The following SLC24A3 variants were observed in gnomAD, a reference collection of about 807,000 sequenced individuals.
SLC24A3 encodes the protein sodium/potassium/calcium exchanger 3.
A neutral mutation model predicts 75.8 loss-of-function variants in SLC24A3; 28 were observed. That is an observed-to-expected ratio of 0.37 (90% confidence interval 0.27 to 0.51). The LOEUF (loss-of-function observed/expected upper bound fraction) is 0.51, where lower values mean the gene tolerates loss of function less well. Among genes scored for constraint, SLC24A3 ranks in the 20% least tolerant of loss-of-function variants. The probability of loss-of-function intolerance (pLI) is 0.94; values close to 1 mark genes in which losing one functional copy is unlikely to be tolerated. For missense variants in SLC24A3, 663 were observed against 847.8 expected, an observed-to-expected ratio of 0.78 and a Z score of 2.71; for synonymous variants, 372 against 334.1, an observed-to-expected ratio of 1.11 and a Z score of -1.24.
At chr20:19,610,278 T>C (rs890673397) in intron 6 of SLC24A3, among the ~76,000 whole-genome samples, 8 of 152,166 alleles carry the variant, frequency 5.3e-5, no homozygotes, top group African/African-American at 1.9e-4. Context: ...AGGAAAACAT[T>C]GGGATCTCCT....
At chr20:19,656,210 A>G (rs74785343) in intron 7 of SLC24A3, among the ~76,000 whole-genome samples, 2,160 of 152,308 alleles carry the variant, frequency 0.014, 52 homozygotes, top group African/African-American at 0.049. Context: ...TCTTGAGTTT[A>G]CAAACCATCA....
intron 2 of SLC24A3, among the ~76,000 whole-genome samples, chr20:19,316,336 T>TG (rs1367756039): frequency 6.6e-6 from 1 of 151,960 alleles, no homozygotes; most frequent in Non-Finnish European, 1.5e-5. Context: ...GTGAGAAGGG[T>TG]GAAATAAAGG....
intron 3 of SLC24A3, among the ~76,000 whole-genome samples, chr20:19,519,643 A>G (rs2030065059): frequency 1.3e-5 from 2 of 152,244 alleles, no homozygotes; most frequent in South Asian, 2.1e-4. Context: ...AATCTATTAT[A>G]ACATTGAAAC....
At chr20:19,454,651 G>T (rs1003723349) in intron 2 of SLC24A3, among the ~76,000 whole-genome samples, 7 of 152,110 alleles carry the variant, frequency 4.6e-5, no homozygotes, top group Non-Finnish European at 8.8e-5. Context: ...AGACATAAAA[G>T]GTGTAATTAT....
At chr20:19,412,599 G>A (rs867427738) in intron 2 of SLC24A3, among the ~76,000 whole-genome samples, 7 of 150,868 alleles carry the variant, frequency 4.6e-5, no homozygotes, top group Admixed American at 6.6e-5. Context: ...GGAAGAGAAA[G>A]AGAAGGAGGA....
At chr20:19,390,641 C>T (rs577566416) in intron 2 of SLC24A3, among the ~76,000 whole-genome samples, 1 of 152,158 alleles carries the variant, frequency 6.6e-6, no homozygotes, top group South Asian at 2.1e-4. Context: ...TGGGGAGTGA[C>T]CTGTTGCTTG....
chr20:19,404,402 G>A (rs1316499316), intron 2 of SLC24A3, among the ~76,000 whole-genome samples: 3 of 152,176 alleles, frequency 2.0e-5, no homozygotes, highest in Non-Finnish European at 4.4e-5. Flanking sequence ...CTTGTCATGG[G>A]GGTGTAGGTA....
At chr20:19,667,055 C>G (rs986868001) in intron 8 of SLC24A3, among the ~76,000 whole-genome samples, 6 of 152,138 alleles carry the variant, frequency 3.9e-5, no homozygotes, top group Non-Finnish European at 1.5e-5. Flanking sequence ...AAAGTAGAGT[C>G]CACCAGGCTT....
intron 6 of SLC24A3, among the ~76,000 whole-genome samples, chr20:19,632,146 G>C (rs2031941788): frequency 6.6e-6 from 1 of 152,156 alleles, no homozygotes; most frequent in East Asian, 1.9e-4. Flanking sequence ...CCCTCCTTTA[G>C]AACACTAACT....
At chr20:19,651,587 C>T (rs1366484940) in intron 6 of SLC24A3, among the ~76,000 whole-genome samples, 1 of 151,926 alleles carries the variant, frequency 6.6e-6, no homozygotes, top group East Asian at 1.9e-4. Flanking sequence ...CGGCCAGGCG[C>T]CGTGGCTCAC....
intron 3 of SLC24A3, among the ~76,000 whole-genome samples, chr20:19,523,333 A>G (rs527414292): frequency 6.6e-6 from 1 of 152,376 alleles, no homozygotes; most frequent in South Asian, 2.1e-4. Flanking sequence ...ACTCTGGAAG[A>G]GAAAAATGAT....
chr20:19,417,196 T>A (rs1986841466), intron 2 of SLC24A3, among the ~76,000 whole-genome samples: 1 of 152,110 alleles, frequency 6.6e-6, no homozygotes, highest in South Asian at 2.1e-4. Context: ...CATTAAAAAA[T>A]TTAATTTTAT....
At chr20:19,633,387 C>T (rs982164192) in intron 6 of SLC24A3, among the ~76,000 whole-genome samples, 11 of 152,162 alleles carry the variant, frequency 7.2e-5, no homozygotes, top group African/African-American at 2.6e-4. Flanking sequence ...CGGTGGCTCA[C>T]GCCTGTAATC....
rs79753472 is a variant in SLC24A3 at position 19,448,181 on chromosome 20, T to G, written c.272-67307T>G. Among the ~76,000 whole-genome samples the G allele has an allele frequency of 1.3e-4, 20 of 152,348 alleles. No individual in the cohort carries two copies. In the East Asian group the frequency reaches 3.9e-3, roughly 29 times the overall value. On this transcript the variant is annotated intron_variant, in intron 2 of 16. Coordinates refer to ENST00000328041, the MANE Select transcript of SLC24A3 (RefSeq NM_020689.4). The stretch of plus-strand genomic sequence containing the variant: ...CATGCCAGGATGGCTAGACCTGGTC[T>G]CCAAACCCTCAACGGTAGTTCAGAG...
intron 3 of SLC24A3, among the ~76,000 whole-genome samples, chr20:19,549,135 C>T (rs1377241611): frequency 2.0e-5 from 3 of 152,174 alleles, no homozygotes; most frequent in Non-Finnish European, 4.4e-5. Flanking sequence ...TGTCACTTTG[C>T]CTGCTCACAT....
chr20:19,639,526 C>T (rs1025086924), intron 6 of SLC24A3, among the ~76,000 whole-genome samples: 25 of 152,366 alleles, frequency 1.6e-4, no homozygotes, highest in African/African-American at 5.8e-4. Context: ...CATAAAGGTT[C>T]TCCACGTCCC....
At chr20:19,263,157 G>A (rs1983050740) in intron 1 of SLC24A3, among the ~76,000 whole-genome samples, 1 of 151,934 alleles carries the variant, frequency 6.6e-6, no homozygotes, top group Admixed American at 6.6e-5. Context: ...CTTCCCATCA[G>A]ATGACTTGCT....
rs2033118229 is a variant in SLC24A3, at chr20:19,722,811, C to G, written c.*1671C>G. 2 of 152,646 alleles carry G rather than the reference C, an allele frequency of 1.3e-5. No homozygotes were observed. The highest frequency in any genetic ancestry group is 1.5e-5 in the Non-Finnish European group (1 of 68,036). 9.5% of individuals were successfully genotyped at this position (152,646 alleles called of 1,614,324 possible). ...TTTGGGCTCTCAGAGCTAAGACACA[C>G]TTATTGATTCTGTTGCACATTTTGC... On this transcript the variant is annotated 3_prime_UTR_variant, in exon 17 of 17. Transcript: ENST00000328041.
intron 2 of SLC24A3, among the ~76,000 whole-genome samples, chr20:19,386,323 A>G (rs1986272553): frequency 6.6e-6 from 1 of 152,166 alleles, no homozygotes; most frequent in Non-Finnish European, 1.5e-5. Context: ...TTTTTGGTGT[A>G]GTGTTTAGAG....
Sources: allele counts gnomAD v4.1 joint callset (sites outside exome capture counted in the v4.1 genomes callset), GRCh38; gene constraint gnomAD v4.1.1; transcripts MANE v1.5; gene names NCBI Gene and HGNC (gene_info 2026-07-23, HGNC 2026-07-21).